VPS13C: variants seen among roughly 807,000 people sequenced by gnomAD.
The protein encoded by VPS13C is intermembrane lipid transfer protein VPS13C.
Under a neutral mutation model 456.8 loss-of-function variants are expected in VPS13C, and 358 were observed. The observed-to-expected ratio is 0.78, with a 90% confidence interval of 0.72 to 0.86. The LOEUF (loss-of-function observed/expected upper bound fraction) is 0.86. VPS13C is among the 40% of genes least tolerant of loss of function. The probability of loss-of-function intolerance (pLI) is 0.00; values close to 1 mark genes in which losing one functional copy is unlikely to be tolerated. For synonymous variants in VPS13C, 1,578 were observed against 1,486.7 expected, an observed-to-expected ratio of 1.06 and a Z score of -1.41; for missense variants, 4,818 against 4,385.4, an observed-to-expected ratio of 1.10 and a Z score of -2.79.
chr15:61,871,105 TTTTGATGAAGTTCAATTTATGTA>T (rs1277191755), intron 79 of VPS13C, among the ~76,000 whole-genome samples: 10 of 152,164 alleles, frequency 6.6e-5, no homozygotes, highest in Non-Finnish European at 1.3e-4. Context: ...AAATTTTAAA[TTTTGATGAAGTTCAATTTATGTA>T]TTTGATGAAG....
In VPS13C at chr15:61,940,040, C is replaced by T. The variant is rs542203307; in HGVS notation, c.5601+607G>A. 4.4e-4 allele frequency among the ~76,000 whole-genome samples: 67 copies of T among 152,094 alleles called. 1 individual carries two copies. Among genetic ancestry groups the T allele is most frequent in the African/African-American group, 1.4e-3 (59 of 41,514 alleles). On this transcript the variant is annotated intron_variant, in intron 47 of 84. Transcript: ENST00000644861. ...ATACTTATCAAATATACACATTTGC[C>T]TATTAAAATGGTAACACCTTTCTAA... is the stretch of plus-strand genomic sequence containing the variant.
At chr15:62,052,958 T>C (rs1388503475) in intron 1 of VPS13C, among the ~76,000 whole-genome samples, 2 of 152,124 alleles carry the variant, frequency 1.3e-5, no homozygotes, top group African/African-American at 4.8e-5. Context: ...TAATATTGAG[T>C]AATGTGGTAG....
At chr15:61,975,536 C>T (rs1310717605) in intron 24 of VPS13C, among the ~76,000 whole-genome samples, 2 of 152,136 alleles carry the variant, frequency 1.3e-5, no homozygotes, top group African/African-American at 2.4e-5. Context: ...GGACAAATTC[C>T]TTAAAACACA....
intron 25 of VPS13C, among the ~76,000 whole-genome samples, chr15:61,973,810 A>G (rs576065816): frequency 6.6e-5 from 10 of 152,270 alleles, no homozygotes; most frequent in Admixed American, 2.0e-4. Flanking sequence ...TATATCATTT[A>G]CATTCTGTCT....
At position 61,854,943 on chromosome 15, in the gene VPS13C, C is replaced by G. The variant is rs1356639222; in HGVS notation, c.11088G>C (p.Leu3696=). 1 of 1,607,314 alleles carries G rather than the reference C, an allele frequency of 6.2e-7. No homozygotes were observed. The highest frequency in any genetic ancestry group is 8.5e-7 in the Non-Finnish European group (1 of 1,178,498). The change falls in exon 84 of 85, where the codon CTG becomes CTC. Residue 3696 remains leucine, a synonymous_variant. Coordinates refer to ENST00000644861, the MANE Select transcript of VPS13C (RefSeq NM_020821.3). The part of the protein sequence containing the change: ...VLKISVKEQG[L]FHKKDSANQG... Reference sequence around the variant, plus strand: ...GATTGGCACTGTCTTTTTTGTGGAACAGACCCTGTTCCTGTTTCAAAAGAA... The same window carrying G: ...GATTGGCACTGTCTTTTTTGTGGAAGAGACCCTGTTCCTGTTTCAAAAGAA...
chr15:62,046,327 G>T (rs1372625674), intron 1 of VPS13C, among the ~76,000 whole-genome samples: 3 of 152,136 alleles, frequency 2.0e-5, no homozygotes, highest in African/African-American at 7.2e-5. Context: ...CTGTCCAGAT[G>T]CAGGAGTAAT....
chr15:62,010,957 T>C (rs1433692892), intron 12 of VPS13C, among the ~76,000 whole-genome samples: 4 of 151,982 alleles, frequency 2.6e-5, no homozygotes, highest in South Asian at 4.1e-4. Flanking sequence ...AAAATACTAA[T>C]ACAAAAAAGG....
intron 20 of VPS13C, among the ~76,000 whole-genome samples, chr15:61,983,268 T>C (rs1222421774): frequency 1.3e-5 from 2 of 152,116 alleles, no homozygotes; most frequent in Non-Finnish European, 2.9e-5. Context: ...AACCTACAAG[T>C]GATGCAATGA....
chr15:61,988,070 C>T (rs1376777733), intron 18 of VPS13C, among the ~76,000 whole-genome samples: 2 of 152,140 alleles, frequency 1.3e-5, no homozygotes, highest in African/African-American at 4.8e-5. Context: ...TCTACAGACA[C>T]ATACTCAACA....
chr15:61,929,813 C>G (rs1030740075), intron 50 of VPS13C, 65 bp from the exon 51 acceptor site: 4 of 1,416,122 alleles, frequency 2.8e-6, no homozygotes, highest in Admixed American at 2.3e-5. Flanking sequence ...TGAAGAATTT[C>G]CTATATACCT....
intron 50 of VPS13C, 78 bp from the exon 51 acceptor site, chr15:61,929,826 A>G (rs1291610612): frequency 4.5e-6 from 6 of 1,334,248 alleles, no homozygotes; most frequent in Non-Finnish European, 6.1e-6. Context: ...ATATACCTCA[A>G]TAATCTTTAT....
intron 60 of VPS13C, among the ~76,000 whole-genome samples, chr15:61,917,072 T>C (rs1455729719): frequency 6.6e-6 from 1 of 152,100 alleles, no homozygotes; most frequent in African/African-American, 2.4e-5. Flanking sequence ...TTCAACTCAG[T>C]TTTCTTATGT....
rs375711746 is a variant in VPS13C at position 61,929,540 on chromosome 15, G to C, written c.6247C>G (p.Pro2083Ala). Residue 2083 changes from proline to alanine, a missense_variant, in exon 51 of 85, where the codon CCA becomes GCA. Pro to Ala is a conservative substitution (Grantham distance 27). Transcript: ENST00000644861. ...ACCTTCCCTGTGGCAGTCTGTCTTG[G>C]TAAAATCTGTGTTTCTTTTGCCACA... ...ENVAKETQILPRQTATGKVKI... is the reference protein window; with the variant it reads ...ENVAKETQILARQTATGKVKI... 4 of 1,613,902 alleles carry C rather than the reference G, an allele frequency of 2.5e-6. No individual in the cohort carries two copies. Among genetic ancestry groups the C allele is most frequent in the African/African-American group, 2.7e-5 (2 of 74,966 alleles).
chr15:62,036,993 A>G (rs1344378588), intron 3 of VPS13C, among the ~76,000 whole-genome samples: 1 of 149,636 alleles, frequency 6.7e-6, no homozygotes, highest in Non-Finnish European at 1.5e-5. Flanking sequence ...TGCTCTGTAA[A>G]CCAAAAAAAA....
chr15:61,995,095 GCT>G (rs1462091431), intron 16 of VPS13C, among the ~76,000 whole-genome samples: 5 of 152,128 alleles, frequency 3.3e-5, no homozygotes, highest in Non-Finnish European at 5.9e-5. Context: ...AGTCGTTCAT[GCT>G]CTCTCATTCC....
chr15:61,964,096 T>C (rs1427689907), intron 31 of VPS13C, 145 bp from the exon 32 acceptor site: 3 of 525,470 alleles, frequency 5.7e-6, no homozygotes, highest in Non-Finnish European at 6.6e-6. Context: ...AAACACTTTT[T>C]TTGCTTTATA....
chr15:61,929,827 T>C, intron 50 of VPS13C, 79 bp from the exon 51 acceptor site: 1 of 1,328,074 alleles, frequency 7.5e-7, no homozygotes, highest in Non-Finnish European at 1.0e-6. Context: ...TATACCTCAA[T>C]AATCTTTATT....
Position 62,008,733 on chromosome 15 carries a change from G to A in VPS13C, c.1040C>T (p.Ser347Leu). The A allele has an allele frequency of 6.2e-7, 1 of 1,602,844 alleles. No individual in the cohort carries two copies. The highest frequency in any genetic ancestry group is 1.7e-4 in the Middle Eastern group (1 of 5,798). Residue 347 changes from serine (S) to leucine (L), a missense_variant, in exon 14 of 85, where the codon TCA becomes TTA. This residue lies in a region of VPS13C where 4,552 missense variants were observed against 4,130.6 expected (regional missense o/e 1.10). Coordinates refer to ENST00000644861, the MANE Select transcript of VPS13C (RefSeq NM_020821.3). ...QYLSMIDLLE[S>L]VDYMVRNAPY... ...CGCATTCCTAACCATATAATCCACT[G>A]ACTCCAAAAGGTCAATCATACTTAA...
chr15:61,992,375 AAGGC>A (rs2046250043), intron 16 of VPS13C, among the ~76,000 whole-genome samples: 1 of 152,166 alleles, frequency 6.6e-6, no homozygotes, highest in South Asian at 2.1e-4. Flanking sequence ...GAATAACCAA[AAGGC>A]AGAATACAGG....
Sources: gnomAD v4.1 joint callset for allele counts (sites outside exome capture counted in the v4.1 genomes callset) on GRCh38, gnomAD v4.1.1 for gene constraint, gnomAD v4.1.1 regional missense constraint, MANE v1.5 for transcripts, NCBI Gene and HGNC (gene_info 2026-07-23, HGNC 2026-07-21) for gene names.